HRH2: variants seen among roughly 807,000 people sequenced by gnomAD.
HRH2 encodes the protein histamine H2 receptor.
HRH2 carries 4 observed loss-of-function variants against 20.1 expected under a neutral mutation model. The observed-to-expected ratio is 0.20, with a 90% CI of 0.10 to 0.45. The LOEUF is 0.45. Among genes scored for constraint, HRH2 ranks in the 20% least tolerant of loss-of-function variants. HRH2 has a pLI of 0.99. For synonymous variants in HRH2, 197 were observed against 200.7 expected (o/e 0.98, Z 0.16); for missense variants, 250 against 461.6 (o/e 0.54, Z 4.20).
chr5:175,708,960 G>C lies in HRH2; in HGVS notation c.*989G>C, dbSNP rs1757022140. 1 of 152,130 alleles carries C rather than the reference G, an allele frequency of 6.6e-6. No homozygotes were observed. The highest frequency in any genetic ancestry group is 1.5e-5 in the Non-Finnish European group (1 of 68,062). 9.4% of individuals were successfully genotyped at this position (152,130 alleles called of 1,614,324 possible). A position where few individuals can be genotyped will look rare whatever the true frequency, so the allele number is the denominator to read the frequency against. ...AGTTGGCCCCCAGCACTCTCTGGTG[G>C]CCGTATGACCTTGGGCACGTCTCCT... On this transcript the variant is annotated 3_prime_UTR_variant, in exon 3 of 3. Transcript: ENST00000636584.
rs938622020 is a variant in HRH2 at position 175,683,148 on chromosome 5, C to A, written c.-86C>A. ...TTTGGATCTGTTGGGAGCTTGGAGT[C>A]CAGTGGTTGGCATAGTTGTCACATT... On this transcript the variant is annotated 5_prime_UTR_variant, in exon 2 of 3. Coordinates refer to ENST00000636584, the MANE Select transcript of HRH2 (RefSeq NM_001367711.1). 7.0e-7 allele frequency: 1 copy of A among 1,419,072 alleles called. No individual in the cohort carries two copies. The highest frequency in any genetic ancestry group is 1.5e-5 in the African/African-American group (1 of 65,584). 87.9% of individuals were successfully genotyped at this position (1,419,072 alleles called of 1,614,324 possible).
rs1757067330 is a variant in HRH2, at chr5:175,710,670, A to G, written c.*2699A>G. 2 of 152,336 alleles carry G rather than the reference A, an allele frequency of 1.3e-5. No homozygotes were observed. The highest frequency in any genetic ancestry group is 6.5e-5 in the Admixed American group (1 of 15,304). 9.4% of individuals were successfully genotyped at this position (152,336 alleles called of 1,614,324 possible). On this transcript the variant is annotated 3_prime_UTR_variant, in exon 3 of 3. Transcript: ENST00000636584. ...TCTGCTGGCTGCAGAAGTGGGGTGC[A>G]TGCTGCCTGGAGGAGGAACATCTGT... is the stretch of plus-strand genomic sequence containing the variant.
At chr5:175,698,395 A>G (rs1301342824) in intron 2 of HRH2, among the ~76,000 whole-genome samples, 1 of 152,206 alleles carries the variant, frequency 6.6e-6, no homozygotes, top group Non-Finnish European at 1.5e-5. Context: ...GAGCGTTGCT[A>G]CTGTGTGACC....
intron 2 of HRH2, among the ~76,000 whole-genome samples, chr5:175,695,114 TCCAGCCCAGC>T (rs1756528165): frequency 6.6e-6 from 1 of 151,858 alleles, no homozygotes; most frequent in Admixed American, 6.6e-5. Flanking sequence ...CATTGCAAAG[TCCAGCCCAGC>T]CTGCCCCACC....
intron 1 of HRH2, among the ~76,000 whole-genome samples, chr5:175,673,427 C>A (rs1413757057): frequency 2.6e-5 from 4 of 152,160 alleles, no homozygotes; most frequent in Non-Finnish European, 4.4e-5. Flanking sequence ...TCTAGCCCCT[C>A]ACTTCATGAT....
At chr5:175,667,761 T>C (rs1762950970) in intron 1 of HRH2, among the ~76,000 whole-genome samples, 1 of 152,180 alleles carries the variant, frequency 6.6e-6, no homozygotes, top group African/African-American at 2.4e-5. Context: ...AATTTAACCA[T>C]TCTTCTAGTT....
At chr5:175,706,252 A>G (rs62388114) in intron 2 of HRH2, among the ~76,000 whole-genome samples, 1,743 of 152,310 alleles carry the variant, frequency 0.011, 16 homozygotes, top group Non-Finnish European at 0.017. Flanking sequence ...AGCCATGTAT[A>G]TGTGTTTTAT....
intron 1 of HRH2, among the ~76,000 whole-genome samples, chr5:175,658,711 C>CAGGATGA (rs1762644450): frequency 6.8e-6 from 1 of 147,132 alleles, no homozygotes; most frequent in African/African-American, 2.6e-5. Context: ...CCGCCCGCTG[C>CAGGATGA]CGGATGACCG....
rs1406399204 is a variant in HRH2 at position 175,700,310 on chromosome 5, G to C, written c.1077-7469G>C. On this transcript the variant is annotated intron_variant, in intron 2 of 2. Coordinates refer to ENST00000636584, the MANE Select transcript of HRH2 (RefSeq NM_001367711.1). ...GAGACAGCCGGGGAGAAGCTGGACT[G>C]CCTCTGACCATCTGTGAATTTGGGA... Among the ~76,000 whole-genome samples the C allele has an allele frequency of 3.3e-5, 5 of 152,330 alleles. No homozygotes were observed. In the South Asian group the frequency reaches 1.0e-3, roughly 32 times the overall value.
chr5:175,695,676 G>A (rs182377640), intron 2 of HRH2, among the ~76,000 whole-genome samples: 7 of 152,354 alleles, frequency 4.6e-5, no homozygotes, highest in Non-Finnish European at 1.0e-4. Flanking sequence ...GACATCGGAA[G>A]GTTATTAGTT....
intron 2 of HRH2, among the ~76,000 whole-genome samples, chr5:175,698,479 G>A (rs937125547): frequency 4.6e-5 from 7 of 152,238 alleles, no homozygotes; most frequent in Middle Eastern, 3.4e-3. Context: ...TCGCTTTATC[G>A]TGCCATTGAG....
chr5:175,699,699 G>A (rs1210439024), intron 2 of HRH2, among the ~76,000 whole-genome samples: 2 of 152,014 alleles, frequency 1.3e-5, no homozygotes, highest in South Asian at 2.1e-4. Context: ...TCAGCCTCCC[G>A]AGTAGCTGGG....
At chr5:175,659,156 C>T (rs1313427154) in intron 1 of HRH2, among the ~76,000 whole-genome samples, 1 of 152,180 alleles carries the variant, frequency 6.6e-6, no homozygotes, top group African/African-American at 2.4e-5. Context: ...GGCCCAGAAG[C>T]TTCAGCCTCC....
intron 1 of HRH2, among the ~76,000 whole-genome samples, chr5:175,659,467 TG>T (rs1762670887): frequency 1.3e-5 from 2 of 152,128 alleles, no homozygotes. Flanking sequence ...CTCGAGAACC[TG>T]CTCCTTGCAG....
intron 1 of HRH2, among the ~76,000 whole-genome samples, chr5:175,666,851 A>G (rs1762911766): frequency 6.6e-6 from 1 of 152,124 alleles, no homozygotes; most frequent in Admixed American, 6.6e-5. Context: ...TTTTGAGTAG[A>G]TAAGACCTTC....
At chr5:175,659,380 G>A (rs964058607) in intron 1 of HRH2, among the ~76,000 whole-genome samples, 10 of 152,116 alleles carry the variant, frequency 6.6e-5, no homozygotes, top group African/African-American at 2.4e-4. Flanking sequence ...ACATCTCTGG[G>A]TCTGGATGGT....
In HRH2 at chr5:175,710,662, T is replaced by C. The variant is rs2113573881; in HGVS notation, c.*2691T>C. 1 of 152,292 alleles carries C rather than the reference T, an allele frequency of 6.6e-6. No homozygotes were observed. The highest frequency in any genetic ancestry group is 2.4e-5 in the African/African-American group (1 of 41,568). The allele number at this position is 152,292 out of a possible 1,614,324, so 9.4% of individuals were successfully genotyped here. ...CTGGAGCCTCTGCTGGCTGCAGAAG[T>C]GGGGTGCATGCTGCCTGGAGGAGGA... On this transcript the variant is annotated 3_prime_UTR_variant, in exon 3 of 3. Transcript: ENST00000636584.
At chr5:175,680,770 G>A (rs141381360) in intron 1 of HRH2, among the ~76,000 whole-genome samples, 3 of 152,258 alleles carry the variant, frequency 2.0e-5, no homozygotes, top group South Asian at 4.1e-4. Context: ...CAGAACTTAC[G>A]GGAGCTGGGC....
rs1756062256 is a variant in HRH2 at position 175,683,470 on chromosome 5, G to A, written c.237G>A (p.Gln79=). 5.0e-6 allele frequency: 8 copies of A among 1,614,140 alleles called. No individual in the cohort carries two copies. The East Asian group carries it at 1.3e-4, about 27-fold the overall frequency. ...LLVLPFSAIY[Q]LSCKWSFGKV... ...TGCTGCCCTTCTCTGCCATCTACCAGCTGTCCTGCAAGTGGAGCTTTGGCA... is the reference window on the plus strand; with the variant it reads ...TGCTGCCCTTCTCTGCCATCTACCAACTGTCCTGCAAGTGGAGCTTTGGCA... Residue 79 remains glutamine, a synonymous_variant, in exon 2 of 3, where the codon CAG becomes CAA. Transcript: ENST00000636584.
Sources: allele counts gnomAD v4.1 joint callset (sites outside exome capture counted in the v4.1 genomes callset), GRCh38; gene constraint gnomAD v4.1.1; transcripts MANE v1.5; gene names NCBI Gene and HGNC (gene_info 2026-07-23, HGNC 2026-07-21).